The following SLC35A3 variants were observed in gnomAD, a reference collection of about 807,000 sequenced individuals.
SLC35A3 encodes solute carrier family 35 member A3, also known as UDP-N-acetylglucosamine transporter.
Under a neutral mutation model 39.0 loss-of-function variants are expected in SLC35A3, and 26 were observed. The observed-to-expected ratio is 0.67, with a 90% CI of 0.49 to 0.92. SLC35A3 has a LOEUF of 0.92. Ranked by LOEUF, SLC35A3 falls within the 40% of genes least tolerant of loss-of-function variation. The pLI, the probability that SLC35A3 is intolerant of heterozygous loss-of-function variation, is 0.00. For missense variants in SLC35A3, 299 were observed against 371.6 expected (o/e 0.80, Z 1.61); for synonymous variants, 135 against 133.1 (o/e 1.01, Z -0.10).
intron 3 of SLC35A3, among the ~76,000 whole-genome samples, chr1:100,002,530 A>G (rs535189836): frequency 2.0e-5 from 3 of 151,766 alleles, no homozygotes; most frequent in African/African-American, 7.3e-5. Flanking sequence ...GATTTTATTT[A>G]TCTTTTCATG....
In SLC35A3 at chr1:99,997,410, T is replaced by TTATATATATATATATATA. The variant is rs71970416; in HGVS notation, c.188-1821_188-1804dup. ...ACAGTTATATGTTTTATATATAGTT[T>TTATATATATATATATATA]TATATATATATATATATATATATAT... On this transcript the variant is annotated intron_variant, in intron 2 of 7. Transcript: ENST00000533028. 1.4e-4 allele frequency among the ~76,000 whole-genome samples: 13 copies of TTATATATATATATATATA among 92,096 alleles called. 1 individual carries two copies. Among genetic ancestry groups the TTATATATATATATATATA allele is most frequent in the East Asian group, 3.1e-4 (1 of 3,264 alleles). The allele number at this position is 92,096 out of a possible 152,430, so 60.4% of individuals were successfully genotyped here.
chr1:100,033,867 T>TA lies in SLC35A3; in HGVS notation c.*11392dup, dbSNP rs1483397736. ...GTATATTTAATAACCTACTGATACT[T>TA]ACCTGAAGTCTCTCTGGTCAACTTT... On this transcript the variant is annotated 3_prime_UTR_variant, in exon 8 of 8. Transcript: ENST00000533028. 1 of 152,226 alleles carries TA rather than the reference T, an allele frequency of 6.6e-6. No individual in the cohort carries two copies. Among genetic ancestry groups the TA allele is most frequent in the African/African-American group, 2.4e-5 (1 of 41,462 alleles). 9.4% of individuals were successfully genotyped at this position (152,226 alleles called of 1,614,324 possible). A position where few individuals can be genotyped will look rare whatever the true frequency, so the allele number is the denominator to read the frequency against.
intron 3 of SLC35A3, among the ~76,000 whole-genome samples, chr1:100,000,094 C>A (rs1658663606): frequency 6.6e-6 from 1 of 151,972 alleles, no homozygotes; most frequent in Admixed American, 6.6e-5. Context: ...GGATAAATAC[C>A]CAGTAGTGGG....
At position 100,027,941 on chromosome 1, in the gene SLC35A3, CTTTTTTTTTTTTTTT is replaced by C. The variant is rs766486592; in HGVS notation, c.*5477_*5491del. On this transcript the variant is annotated 3_prime_UTR_variant, in exon 8 of 8. Transcript: ENST00000533028. ...ATCTGAATCTTATAGATAATACTAC[CTTTTTTTTTTTTTTT>C]TTTTTTTTTTTGAGATGGTGTCTCG... 1.8e-5 allele frequency: 2 copies of C among 109,698 alleles called. No individual in the cohort carries two copies. Among genetic ancestry groups the C allele is most frequent in the African/African-American group, 8.2e-5 (2 of 24,390 alleles). 6.8% of individuals were successfully genotyped at this position (109,698 alleles called of 1,614,324 possible).
At chr1:100,011,742 C>T (rs974052486) in intron 5 of SLC35A3, among the ~76,000 whole-genome samples, 2 of 144,704 alleles carry the variant, frequency 1.4e-5, no homozygotes, top group African/African-American at 5.1e-5. Flanking sequence ...TTATTTTTGA[C>T]AGATTCTCGC....
rs562554738 is a variant in SLC35A3 at position 100,029,789 on chromosome 1, C to T, written c.*7313C>T. On this transcript the variant is annotated 3_prime_UTR_variant, in exon 8 of 8. Transcript: ENST00000533028. ...ATTTTAGAATATCTGTCAAATGATT[C>T]TGAACATAACATGAATCTAGTGTGG... 6.6e-6 allele frequency: 1 copy of T among 152,070 alleles called. No individual in the cohort carries two copies. Among genetic ancestry groups the T allele is most frequent in the East Asian group, 1.9e-4 (1 of 5,174 alleles). 9.4% of individuals were successfully genotyped at this position (152,070 alleles called of 1,614,324 possible).
At chr1:99,991,849 A>T (rs950780549) in intron 1 of SLC35A3, among the ~76,000 whole-genome samples, 11 of 152,122 alleles carry the variant, frequency 7.2e-5, no homozygotes, top group Non-Finnish European at 1.5e-4. Context: ...CCCGAGTTCA[A>T]GCTATTCTCC....
chr1:100,014,046 A>G (rs930819569), intron 5 of SLC35A3, among the ~76,000 whole-genome samples: 12 of 152,148 alleles, frequency 7.9e-5, no homozygotes, highest in African/African-American at 2.7e-4. Flanking sequence ...GTGATAGAAT[A>G]TGTTTTTGAG....
chr1:100,019,526 A>T (rs926212983), intron 7 of SLC35A3, among the ~76,000 whole-genome samples: 14 of 152,214 alleles, frequency 9.2e-5, no homozygotes, highest in Admixed American at 7.2e-4. Context: ...TTTGTGGAGA[A>T]TACATTTTCA....
chr1:100,034,272 ACTTTT>A lies in SLC35A3; in HGVS notation c.*11797_*11801del, dbSNP rs1356352695. ...TCCTCTTCTCTGTATTTCTTACTTT[ACTTTT>A]ATTTGTGTCTCTCAGGTACCCTGTG... On this transcript the variant is annotated 3_prime_UTR_variant, in exon 8 of 8. Coordinates refer to ENST00000533028, the MANE Select transcript of SLC35A3 (RefSeq NM_012243.3). 3.3e-5 allele frequency: 5 copies of A among 151,156 alleles called. No individual in the cohort carries two copies. The highest frequency in any genetic ancestry group is 9.7e-5 in the African/African-American group (4 of 41,104). The allele number at this position is 151,156 out of a possible 1,614,324, so 9.4% of individuals were successfully genotyped here.
chr1:99,993,838 G>A (rs1215558385), intron 2 of SLC35A3, 97 bp downstream of exon 2: 3 of 1,021,310 alleles, frequency 2.9e-6, no homozygotes, highest in Admixed American at 2.4e-5. Context: ...ATTGTCGAAT[G>A]GCCTAGTATG....
At position 100,015,352 on chromosome 1, in the gene SLC35A3, G is replaced by C. The variant is rs1341068639; in HGVS notation, c.685G>C (p.Glu229Gln). ...AATGGGTGTATACATTTATGATGGA[G>C]AACTGGTATCAAAGAATGGATTTTT... ...GLMGVYIYDG[E>Q]LVSKNGFFQG... is the part of the protein sequence containing the mutation. The change falls in exon 6 of 8, where the codon GAA (glutamate) becomes CAA (glutamine). Residue 229 changes from glutamate (E) to glutamine (Q), a missense_variant. Glu to Gln is a conservative substitution (Grantham distance 29). Transcript: ENST00000533028. The C allele has an allele frequency of 6.2e-7, 1 of 1,613,024 alleles. No individual in the cohort carries two copies. Among genetic ancestry groups the C allele is most frequent in the Non-Finnish European group, 8.5e-7 (1 of 1,179,610 alleles).
rs1660626894 is a variant in SLC35A3, at chr1:100,022,502, T to G, written c.*26T>G. The stretch of plus-strand genomic sequence containing the variant: ...TTGTATACTATCTTTAACTGGTTTT[T>G]CACGATGGGGCACTAGGAATCTCGA... On this transcript the variant is annotated 3_prime_UTR_variant, in exon 8 of 8. Coordinates refer to ENST00000533028, the MANE Select transcript of SLC35A3 (RefSeq NM_012243.3). 1.1e-5 allele frequency: 13 copies of G among 1,221,776 alleles called. No homozygotes were observed. Among genetic ancestry groups the G allele is most frequent in the Non-Finnish European group, 1.6e-5 (13 of 835,714 alleles). 75.7% of individuals were successfully genotyped at this position (1,221,776 alleles called of 1,614,324 possible).
intron 7 of SLC35A3, among the ~76,000 whole-genome samples, chr1:100,019,816 A>T (rs1660407839): frequency 6.6e-6 from 1 of 152,170 alleles, no homozygotes; most frequent in Admixed American, 6.5e-5. Flanking sequence ...AGATCCCTTT[A>T]TTCTATTGAC....
rs1167523917 is a variant in SLC35A3, at chr1:100,030,823, C to G, written c.*8347C>G. The G allele has an allele frequency of 6.6e-6, 1 of 152,002 alleles. No individual in the cohort carries two copies. The highest frequency in any genetic ancestry group is 2.4e-5 in the African/African-American group (1 of 41,372). 9.4% of individuals were successfully genotyped at this position (152,002 alleles called of 1,614,324 possible). On this transcript the variant is annotated 3_prime_UTR_variant, in exon 8 of 8. Coordinates refer to ENST00000533028, the MANE Select transcript of SLC35A3 (RefSeq NM_012243.3). ...CATTTTAAAATGATGATGCTAAGTG[C>G]TTTTTTAATATATGCATGCTGCTTC...
rs1327580386 is a variant in SLC35A3 at position 99,993,746 on chromosome 1, G to A, written c.187+5G>A. On this transcript the variant is annotated splice_donor_5th_base_variant and intron_variant, in intron 2 of 7. Transcript: ENST00000533028. Reference sequence around the variant, plus strand: ...TATTGGTCTACAAAGACAGCAGTAGGTATCTAGGTTTTTTGTTTTTAATCA... The same window carrying A: ...TATTGGTCTACAAAGACAGCAGTAGATATCTAGGTTTTTTGTTTTTAATCA... The A allele has an allele frequency of 3.7e-6, 6 of 1,610,116 alleles. No homozygotes were observed. The highest frequency in any genetic ancestry group is 3.4e-5 in the Admixed American group (2 of 59,242).
chr1:99,996,389 C>CT (rs1272111890), intron 2 of SLC35A3, among the ~76,000 whole-genome samples: 3 of 151,982 alleles, frequency 2.0e-5, no homozygotes, highest in Non-Finnish European at 4.4e-5. Flanking sequence ...GAAAAGGGGG[C>CT]AAAGGATATA....
Position 100,033,284 on chromosome 1 carries a change from G to A in SLC35A3, c.*10808G>A, listed in dbSNP as rs1419011605. 1 of 138,514 alleles carries A rather than the reference G, an allele frequency of 7.2e-6. No homozygotes were observed. Among genetic ancestry groups the A allele is most frequent in the African/African-American group, 2.9e-5 (1 of 34,726 alleles). The allele number at this position is 138,514 out of a possible 1,614,324, so 8.6% of individuals were successfully genotyped here. ...AGCCTGGGCAACAGAGTGAGATCCT[G>A]TCTCTACAAAAAAAAAAAAAAAGAT... On this transcript the variant is annotated 3_prime_UTR_variant, in exon 8 of 8. Coordinates refer to ENST00000533028, the MANE Select transcript of SLC35A3 (RefSeq NM_012243.3).
chr1:100,014,041 A>G (rs906110181), intron 5 of SLC35A3, among the ~76,000 whole-genome samples: 9 of 152,324 alleles, frequency 5.9e-5, no homozygotes, highest in African/African-American at 2.2e-4. Context: ...GTCATGTGAT[A>G]GAATATGTTT....
Sources: allele counts gnomAD v4.1 joint callset (sites outside exome capture counted in the v4.1 genomes callset), GRCh38; gene constraint gnomAD v4.1.1; transcripts MANE v1.5; gene names NCBI Gene and HGNC (gene_info 2026-07-23, HGNC 2026-07-21).